FARS2: variants seen among roughly 807,000 people sequenced by gnomAD.
FARS2 encodes phenylalanyl-tRNA synthetase 2, mitochondrial, also known as phenylalanine--tRNA ligase, mitochondrial.
A neutral mutation model predicts 46.4 loss-of-function variants in FARS2; 40 were observed. The observed-to-expected ratio is 0.86, with a 90% CI of 0.67 to 1.12. The LOEUF (loss-of-function observed/expected upper bound fraction) is 1.12. FARS2 is among the 50% of genes most tolerant of loss of function. The pLI is 0.00. For missense variants in FARS2, 513 were observed against 567.9 expected, an observed-to-expected ratio of 0.90 and a Z score of 0.98; for synonymous variants, 234 against 214.9, an observed-to-expected ratio of 1.09 and a Z score of -0.78.
At chr6:5,436,046 G>C (rs1763501838) in intron 4 of FARS2, among the ~76,000 whole-genome samples, 1 of 121,104 alleles carries the variant, frequency 8.3e-6, no homozygotes, top group Non-Finnish European at 1.9e-5. Flanking sequence ...AAATATCACA[G>C]CATACAATAC....
chr6:5,645,073 G>T (rs1468014540), intron 6 of FARS2, among the ~76,000 whole-genome samples: 5 of 152,172 alleles, frequency 3.3e-5, no homozygotes, highest in Non-Finnish European at 7.4e-5. Flanking sequence ...AACCAACTTG[G>T]ATGAGAATAT....
intron 4 of FARS2, among the ~76,000 whole-genome samples, chr6:5,473,536 A>AC (rs1765925374): frequency 1.1e-4 from 5 of 45,580 alleles, no homozygotes; most frequent in Admixed American, 5.2e-4. Context: ...CAAAAAACAA[A>AC]AAAAAAAACA....
At chr6:5,688,083 G>A (rs1320625569) in intron 6 of FARS2, among the ~76,000 whole-genome samples, 1 of 152,180 alleles carries the variant, frequency 6.6e-6, no homozygotes, top group Non-Finnish European at 1.5e-5. Context: ...TTGCCTATCA[G>A]CTTAAGGAGA....
At chr6:5,483,280 T>C (rs780341922) in intron 4 of FARS2, among the ~76,000 whole-genome samples, 5 of 152,220 alleles carry the variant, frequency 3.3e-5, no homozygotes, top group Non-Finnish European at 7.3e-5. Flanking sequence ...CTTTATGTGA[T>C]CAATTCCCAA....
At chr6:5,277,182 G>C (rs1293134868) in intron 1 of FARS2, among the ~76,000 whole-genome samples, 2 of 151,732 alleles carry the variant, frequency 1.3e-5, no homozygotes, top group Non-Finnish European at 1.5e-5. Context: ...GCATTTGTCA[G>C]CAGGGGCTGG....
At chr6:5,509,418 A>G (rs994203710) in intron 4 of FARS2, among the ~76,000 whole-genome samples, 2 of 152,214 alleles carry the variant, frequency 1.3e-5, no homozygotes, top group African/African-American at 2.4e-5. Context: ...GTAGCTGATG[A>G]AAATGTCACA....
At chr6:5,720,317 G>A (rs764074904) in intron 6 of FARS2, among the ~76,000 whole-genome samples, 32 of 152,258 alleles carry the variant, frequency 2.1e-4, no homozygotes, top group Non-Finnish European at 3.8e-4. Flanking sequence ...TCTAAGTAGC[G>A]CTACTCAAAC....
At chr6:5,339,855 G>A (rs2127590081) in intron 1 of FARS2, among the ~76,000 whole-genome samples, 1 of 152,320 alleles carries the variant, frequency 6.6e-6, no homozygotes, top group East Asian at 1.9e-4. Flanking sequence ...TCCTTTCAGG[G>A]CAAGCAGAGC....
At chr6:5,506,281 A>C (rs774093164) in intron 4 of FARS2, among the ~76,000 whole-genome samples, 4 of 152,196 alleles carry the variant, frequency 2.6e-5, no homozygotes, top group Non-Finnish European at 5.9e-5. Context: ...AGCGGGACTC[A>C]GTAAAGGGCA....
chr6:5,638,142 T>A (rs544745060), intron 6 of FARS2, among the ~76,000 whole-genome samples: 1 of 152,334 alleles, frequency 6.6e-6, no homozygotes, highest in South Asian at 2.1e-4. Context: ...CCAGTCACTC[T>A]CTGATCCTAT....
At chr6:5,734,157 C>A (rs551987060) in intron 6 of FARS2, among the ~76,000 whole-genome samples, 2 of 152,292 alleles carry the variant, frequency 1.3e-5, no homozygotes, top group African/African-American at 4.8e-5. Context: ...CTGTATAATT[C>A]TTGTGAGAAT....
At chr6:5,547,381 GT>G (rs905542582) in intron 5 of FARS2, among the ~76,000 whole-genome samples, 4 of 146,262 alleles carry the variant, frequency 2.7e-5, no homozygotes, top group Admixed American at 1.4e-4. Context: ...TTGTCTTTTT[GT>G]TTTTTTTTTA....
intron 5 of FARS2, among the ~76,000 whole-genome samples, chr6:5,569,163 GAGAAACA>G (rs1733460143): frequency 6.6e-6 from 1 of 151,924 alleles, no homozygotes; most frequent in Admixed American, 6.6e-5. Context: ...CTGGGTAGAT[GAGAAACA>G]GGAGAAAAAA....
At chr6:5,643,979 G>GAA (rs1776951571) in intron 6 of FARS2, among the ~76,000 whole-genome samples, 1 of 152,180 alleles carries the variant, frequency 6.6e-6, no homozygotes, top group Non-Finnish European at 1.5e-5. Flanking sequence ...GTACCCACGA[G>GAA]AAAGAGTTTC....
At chr6:5,382,332 T>G (rs901736000) in intron 2 of FARS2, among the ~76,000 whole-genome samples, 4 of 152,216 alleles carry the variant, frequency 2.6e-5, no homozygotes, top group African/African-American at 9.6e-5. Context: ...TTATCCCAAC[T>G]CTTTCATCTC....
At chr6:5,262,894 T>G (rs1765289795) in intron 1 of FARS2, among the ~76,000 whole-genome samples, 1 of 152,208 alleles carries the variant, frequency 6.6e-6, no homozygotes, top group Admixed American at 6.5e-5. Context: ...TTTTTTGAGT[T>G]TTCCCTTTGC....
intron 6 of FARS2, among the ~76,000 whole-genome samples, chr6:5,667,611 G>A (rs1778211399): frequency 6.6e-6 from 1 of 152,014 alleles, no homozygotes; most frequent in Non-Finnish European, 1.5e-5. Flanking sequence ...ATATCATTTG[G>A]CATTAAAGAT....
chr6:5,578,808 CAAAAAAAAAAAA>C (rs56248218), intron 5 of FARS2, among the ~76,000 whole-genome samples: 94 of 124,360 alleles, frequency 7.6e-4, no homozygotes, highest in African/African-American at 3.0e-3. Context: ...CACTCCGTCT[CAAAAAAAAAAAA>C]AAAAAAAAAA....
At chr6:5,485,316 G>A in intron 4 of FARS2, among the ~76,000 whole-genome samples, 1 of 152,170 alleles carries the variant, frequency 6.6e-6, no homozygotes, top group East Asian at 1.9e-4. Context: ...GTTTGTAAAT[G>A]TTAAGTGTTG....
Sources: gnomAD v4.1 joint callset for allele counts (sites outside exome capture counted in the v4.1 genomes callset) on GRCh38, gnomAD v4.1.1 for gene constraint, MANE v1.5 for transcripts, NCBI Gene and HGNC (gene_info 2026-07-23, HGNC 2026-07-21) for gene names.